Variants in GLRA3 observed in about 807,000 individuals in gnomAD.
GLRA3 encodes the protein glycine receptor subunit alpha-3.
A neutral mutation model predicts 60.4 loss-of-function variants in GLRA3; 44 were observed. The ratio of observed to expected loss-of-function variants is 0.73; its 90% CI spans 0.57 to 0.94. The LOEUF (loss-of-function observed/expected upper bound fraction) is 0.94, where lower values mean the gene tolerates loss of function less well. Ranked by LOEUF, GLRA3 falls within the 40% of genes least tolerant of loss-of-function variation. The pLI, the probability that GLRA3 is intolerant of heterozygous loss-of-function variation, is 0.00. For synonymous variants in GLRA3, 223 were observed against 192.9 expected, an observed-to-expected ratio of 1.16 and a Z score of -1.29; for missense variants, 508 against 564.6, an observed-to-expected ratio of 0.90 and a Z score of 1.02.
chr4:174,722,532 T>G (rs1736168769), intron 4 of GLRA3: 1 of 152,282 alleles, frequency 6.6e-6, no homozygotes, highest in Admixed American at 6.5e-5. Context: ...TTTTCAGAAG[T>G]GCATTCATTT....
chr4:174,654,544 G>A (rs1733128323), intron 9 of GLRA3, among the ~76,000 whole-genome samples: 1 of 152,044 alleles, frequency 6.6e-6, no homozygotes, highest in Non-Finnish European at 1.5e-5. Context: ...ATCATCAGTA[G>A]GGAAACAGGC....
chr4:174,710,889 T>G (rs1395521090), intron 5 of GLRA3, among the ~76,000 whole-genome samples: 1 of 152,234 alleles, frequency 6.6e-6, no homozygotes, highest in East Asian at 1.9e-4. Flanking sequence ...CACTCTATTG[T>G]GTCTTTTTGG....
rs1042464071 is a variant in GLRA3, at chr4:174,641,385, C to A, written c.*2401G>T. 2 of 151,978 alleles carry A rather than the reference C, an allele frequency of 1.3e-5. No homozygotes were observed. The highest frequency in any genetic ancestry group is 4.8e-5 in the African/African-American group (2 of 41,402). The allele number at this position is 151,978 out of a possible 1,614,324, so 9.4% of individuals were successfully genotyped here. A position where few individuals can be genotyped will look rare whatever the true frequency, so the allele number is the denominator to read the frequency against. ...ATGTAATTTTTCAGTTTTAAAAGGTCTATAAGAGTTCGAAGGAGGAGACAC... is the reference window on the plus strand; with the variant it reads ...ATGTAATTTTTCAGTTTTAAAAGGTATATAAGAGTTCGAAGGAGGAGACAC... On this transcript the variant is annotated 3_prime_UTR_variant, in exon 10 of 10. Coordinates refer to ENST00000274093, the MANE Select transcript of GLRA3 (RefSeq NM_006529.4).
chr4:174,824,738 G>A (rs192166145), intron 1 of GLRA3, among the ~76,000 whole-genome samples: 4 of 152,036 alleles, frequency 2.6e-5, no homozygotes, highest in Non-Finnish European at 2.9e-5. Flanking sequence ...CAAGTACCAA[G>A]GTTTCTTGAT....
intron 1 of GLRA3, among the ~76,000 whole-genome samples, chr4:174,792,133 G>A (rs1283152520): frequency 2.6e-5 from 4 of 152,122 alleles, no homozygotes; most frequent in Admixed American, 2.6e-4. Context: ...GAGCACTAAG[G>A]GTGTTTTCAG....
chr4:174,801,710 A>G (rs1185901971), intron 1 of GLRA3, among the ~76,000 whole-genome samples: 1 of 151,958 alleles, frequency 6.6e-6, no homozygotes. Context: ...GCCTTTGCCT[A>G]AAGTGCTCAT....
intron 5 of GLRA3, among the ~76,000 whole-genome samples, chr4:174,701,557 A>T (rs991975438): frequency 1.3e-5 from 2 of 152,212 alleles, no homozygotes; most frequent in Non-Finnish European, 2.9e-5. Flanking sequence ...CATTTTGTCC[A>T]TTCTGTAAGG....
intron 4 of GLRA3, among the ~76,000 whole-genome samples, chr4:174,724,803 T>C (rs1055016976): frequency 2.0e-5 from 3 of 152,246 alleles, no homozygotes. Flanking sequence ...GATTCTCAGA[T>C]GAGAGTTCCT....
chr4:174,798,420 C>G (rs1739656100), intron 1 of GLRA3, among the ~76,000 whole-genome samples: 1 of 152,124 alleles, frequency 6.6e-6, no homozygotes, highest in Non-Finnish European at 1.5e-5. Context: ...AGATATGAGC[C>G]TTTTACCCAT....
chr4:174,701,888 T>C (rs917316817), intron 5 of GLRA3, among the ~76,000 whole-genome samples: 1 of 151,970 alleles, frequency 6.6e-6, no homozygotes, highest in Non-Finnish European at 1.5e-5. Flanking sequence ...AGATAAGGAG[T>C]TGCTTCTTAA....
chr4:174,642,947 AAC>A lies in GLRA3; in HGVS notation c.*837_*838del, dbSNP rs2110832902. 1 of 817,202 alleles carries A rather than the reference AAC, an allele frequency of 1.2e-6. No individual in the cohort carries two copies. 50.6% of individuals were successfully genotyped at this position (817,202 alleles called of 1,614,324 possible). A position where few individuals can be genotyped will look rare whatever the true frequency, so the allele number is the denominator to read the frequency against. ...TTTGTCCTGTTATATCAAATTATTA[AAC>A]ACAATCACATACAGTTAAGTAGCTA... On this transcript the variant is annotated 3_prime_UTR_variant, in exon 10 of 10. Transcript: ENST00000274093.
chr4:174,800,601 A>G (rs909414901), intron 1 of GLRA3, among the ~76,000 whole-genome samples: 1 of 146,168 alleles, frequency 6.8e-6, no homozygotes, highest in African/African-American at 2.5e-5. Flanking sequence ...TTAAAACCAA[A>G]CCCCCCCCGC....
At chr4:174,732,347 C>T (rs1736585500) in intron 3 of GLRA3, among the ~76,000 whole-genome samples, 1 of 150,230 alleles carries the variant, frequency 6.7e-6, no homozygotes, top group South Asian at 2.1e-4. Flanking sequence ...GAGCGAGACT[C>T]CGACTCAAAA....
chr4:174,728,294 C>T (rs1317965507), intron 4 of GLRA3, among the ~76,000 whole-genome samples, 181 bp downstream of exon 4: 5 of 152,074 alleles, frequency 3.3e-5, no homozygotes, highest in African/African-American at 1.2e-4. Context: ...GTTCCTGAAT[C>T]TGGAACTTGG....
At chr4:174,721,438 G>T (rs1258528145) in intron 4 of GLRA3, among the ~76,000 whole-genome samples, 1 of 150,982 alleles carries the variant, frequency 6.6e-6, no homozygotes, top group African/African-American at 2.4e-5. Flanking sequence ...ATAACTTTTT[G>T]TTATATATAA....
intron 2 of GLRA3, among the ~76,000 whole-genome samples, chr4:174,772,132 T>C (rs561086951): frequency 2.6e-5 from 4 of 152,304 alleles, no homozygotes; most frequent in Admixed American, 1.3e-4. Context: ...GTAAGGCCGA[T>C]GGATGAAATA....
At position 174,660,509 on chromosome 4, in the gene GLRA3, C is replaced by T. The variant is rs72998777; in HGVS notation, c.928-1312G>A. Among the ~76,000 whole-genome samples, 210 of 152,268 alleles carry T rather than the reference C, an allele frequency of 1.4e-3. 3 individuals are homozygous for T. Among genetic ancestry groups the T allele is most frequent in the African/African-American group, 4.9e-3 (202 of 41,560 alleles). ...CTCCACAGTGCATCATATCAGGAGG[C>T]ACACAATGTTGATCAATTGATGAAG... is the stretch of plus-strand genomic sequence containing the variant. On this transcript the variant is annotated intron_variant, in intron 7 of 9. Transcript: ENST00000274093.
At chr4:174,809,531 G>A (rs1740180564) in intron 1 of GLRA3, among the ~76,000 whole-genome samples, 1 of 152,134 alleles carries the variant, frequency 6.6e-6, no homozygotes, top group African/African-American at 2.4e-5. Flanking sequence ...TCAGGAGTTT[G>A]AGACCAGCCT....
At position 174,642,748 on chromosome 4, in the gene GLRA3, T is replaced by G; in HGVS notation, c.*1038A>C. 2 of 736,074 alleles carry G rather than the reference T, an allele frequency of 2.7e-6. No individual in the cohort carries two copies. The highest frequency in any genetic ancestry group is 3.3e-6 in the Non-Finnish European group (2 of 602,954). The allele number at this position is 736,074 out of a possible 1,614,324, so 45.6% of individuals were successfully genotyped here. On this transcript the variant is annotated 3_prime_UTR_variant, in exon 10 of 10. Coordinates refer to ENST00000274093, the MANE Select transcript of GLRA3 (RefSeq NM_006529.4). ...AATTAAAACTTTCCCTACTTATATTTGGAGATAGGAGTTGAGACCCATAAA... is the reference window on the plus strand; with the variant it reads ...AATTAAAACTTTCCCTACTTATATTGGGAGATAGGAGTTGAGACCCATAAA...
Sources: gnomAD v4.1 joint callset for allele counts (sites outside exome capture counted in the v4.1 genomes callset) on GRCh38, gnomAD v4.1.1 for gene constraint, MANE v1.5 for transcripts, NCBI Gene and HGNC (gene_info 2026-07-23, HGNC 2026-07-21) for gene names.